TMEM164: variants seen among roughly 807,000 people sequenced by gnomAD.
TMEM164 encodes the protein RP13-360B22.2.
Under a neutral mutation model 18.8 loss-of-function variants are expected in TMEM164, and 4 were observed. The ratio of observed to expected loss-of-function variants is 0.21; its 90% CI spans 0.10 to 0.49. TMEM164 has a LOEUF of 0.49. Among genes scored for constraint, TMEM164 ranks in the 20% least tolerant of loss-of-function variants. The pLI, the probability that TMEM164 is intolerant of heterozygous loss-of-function variation, is 0.98. For missense variants in TMEM164, 108 were observed against 239.9 expected (o/e 0.45, Z 3.63); for synonymous variants, 86 against 101.7 (o/e 0.85, Z 0.93).
At chrX:110,076,316 G>T (rs371978513) in intron 3 of TMEM164, among the ~76,000 whole-genome samples, 5 of 110,815 alleles carry the variant, frequency 4.5e-5, no homozygotes, top group African/African-American at 1.6e-4. Flanking sequence ...GGGATCAGTT[G>T]TAATGTCACA....
chrX:110,049,204 C>T (rs1304972802), intron 2 of TMEM164, among the ~76,000 whole-genome samples: 3 of 111,307 alleles, frequency 2.7e-5, no homozygotes, highest in Non-Finnish European at 5.7e-5. Context: ...ATACCTGTTG[C>T]CTAATATTGT....
chrX:110,151,706 C>T lies in TMEM164; in HGVS notation c.586+6830C>T, dbSNP rs1462214759. 7.2e-5 allele frequency among the ~76,000 whole-genome samples: 8 copies of T among 111,400 alleles called. No homozygotes were observed. The Admixed American group carries it at 7.6e-4, about 11-fold the overall frequency. ...GCTGAGGCATGAGAATCGCTTGAAC[C>T]CAGGAGGTGGAGGTTGCAGTGAGCC... On this transcript the variant is annotated intron_variant, in intron 5 of 6. Transcript: ENST00000372068.
chrX:110,146,742 C>T (rs915920509), intron 5 of TMEM164, among the ~76,000 whole-genome samples: 1 of 111,777 alleles, frequency 8.9e-6, no homozygotes, highest in Non-Finnish European at 1.9e-5. Flanking sequence ...CTCTTTACTG[C>T]CATCTGCTGT....
downstream of TMEM164, chrX:110,177,905 G>A (rs1201700711): frequency 8.9e-6 from 1 of 112,413 alleles, no homozygotes; most frequent in East Asian, 2.8e-4. Flanking sequence ...GGACAGCTGG[G>A]CTTTCTCAGC....
At chrX:110,123,081 A>T (rs183009711) in intron 4 of TMEM164, among the ~76,000 whole-genome samples, 2 of 111,617 alleles carry the variant, frequency 1.8e-5, no homozygotes, top group African/African-American at 6.5e-5. Context: ...TTTTGAGTTA[A>T]TCTTTATGTG....
intron 3 of TMEM164, among the ~76,000 whole-genome samples, chrX:110,068,529 A>G (rs934754852): frequency 2.7e-5 from 3 of 112,475 alleles, no homozygotes; most frequent in African/African-American, 9.7e-5. Flanking sequence ...AGGAAGAAAC[A>G]TCATCCATCC....
intron 2 of TMEM164, among the ~76,000 whole-genome samples, chrX:110,045,871 A>G (rs1207117027): frequency 9.0e-6 from 1 of 111,695 alleles, no homozygotes; most frequent in Non-Finnish European, 1.9e-5. Context: ...GCTGTTTCCT[A>G]CAGACACCAT....
chrX:110,016,392 C>T (rs180806682), intron 2 of TMEM164, among the ~76,000 whole-genome samples: 1 of 111,552 alleles, frequency 9.0e-6, no homozygotes, highest in Admixed American at 9.5e-5. Flanking sequence ...AGCTGGTGCC[C>T]CTGATCATTT....
At chrX:110,136,701 T>C (rs181995560) in intron 4 of TMEM164, among the ~76,000 whole-genome samples, 2 of 111,002 alleles carry the variant, frequency 1.8e-5, no homozygotes, top group Admixed American at 1.9e-4. Context: ...TGTTCTTCCT[T>C]CCTCATCTCC....
At chrX:110,055,775 C>A (rs1476599981) in intron 2 of TMEM164, among the ~76,000 whole-genome samples, 1 of 110,603 alleles carries the variant, frequency 9.0e-6, no homozygotes, top group East Asian at 2.8e-4. Flanking sequence ...AGGAGAGAAT[C>A]TCAGGGGGAA....
At chrX:110,108,008 A>G (rs1265198414) in intron 3 of TMEM164, among the ~76,000 whole-genome samples, 1 of 108,709 alleles carries the variant, frequency 9.2e-6, no homozygotes, top group Admixed American at 9.9e-5. Flanking sequence ...GAGAAGAGGT[A>G]AAGTTCTAGA....
In TMEM164 at chrX:110,007,098, C is replaced by T. The variant is rs750170345; in HGVS notation, c.390+2934C>T. The stretch of plus-strand genomic sequence containing the variant: ...AGTTGGAGGGAAATTGGTTAGTCTC[C>T]GCATCTCTCATTTTTCAGTCTGCAA... On this transcript the variant is annotated intron_variant, in intron 2 of 6. Transcript: ENST00000372068. Among the ~76,000 whole-genome samples, 124 of 111,995 alleles carry T rather than the reference C, an allele frequency of 1.1e-3. 4 individuals carry two copies. The highest frequency in any genetic ancestry group is 3.0e-4 in the Non-Finnish European group (16 of 53,176).
At chrX:110,150,260 C>T (rs1240782851) in intron 5 of TMEM164, among the ~76,000 whole-genome samples, 1 of 111,534 alleles carries the variant, frequency 9.0e-6, no homozygotes, top group African/African-American at 3.3e-5. Flanking sequence ...GGGGAGGTGA[C>T]TTCTTGTAGA....
At position 110,108,068 on chromosome X, in the gene TMEM164, CTGTGTGTGTGTGTGTGTGTG is replaced by C. The variant is rs56714507; in HGVS notation, c.441-973_441-954del. ...TCCCAGCCAGGGCATAGGAGGTATG[CTGTGTGTGTGTGTGTGTGTG>C]TGTGTGTGTGTGTGTGTGTGTGTGT... is the stretch of plus-strand genomic sequence containing the variant. On this transcript the variant is annotated intron_variant, in intron 3 of 6. Transcript: ENST00000372068. 6.8e-3 allele frequency among the ~76,000 whole-genome samples: 314 copies of C among 46,385 alleles called. 1 individual carries two copies. The highest frequency in any genetic ancestry group is 0.026 in the African/African-American group (288 of 11,248). The allele number at this position is 46,385 out of a possible 115,157, so 40.3% of individuals were successfully genotyped here.
chrX:110,004,023 A>G lies in TMEM164; in HGVS notation c.249A>G (p.Pro83=). The G allele has an allele frequency of 1.7e-6, 2 of 1,211,590 alleles. No individual in the cohort carries two copies. Among genetic ancestry groups the G allele is most frequent in the Non-Finnish European group, 2.2e-6 (2 of 895,461 alleles). The change falls in exon 2 of 7, where the codon CCA becomes CCG. Residue 83 remains proline (P), a synonymous_variant. Transcript: ENST00000372068. ...GSQPEQVTQR[P]EEGKESLSKN... is the part of the protein sequence containing the mutation. ...AGCCAGAGCAGGTGACCCAGCGGCC[A>G]GAGGAAGGCAAGGAGAGCCTGAGCA...
chrX:110,043,422 C>T (rs1935180963), intron 2 of TMEM164, among the ~76,000 whole-genome samples: 4 of 112,057 alleles, frequency 3.6e-5, no homozygotes, highest in Admixed American at 2.8e-4. Context: ...GACTTGAAGT[C>T]AGACTCCAAA....
chrX:110,098,930 C>A (rs1276315990), intron 3 of TMEM164, among the ~76,000 whole-genome samples: 1 of 107,017 alleles, frequency 9.3e-6, no homozygotes, highest in Non-Finnish European at 1.9e-5. Context: ...CTACAAGGCA[C>A]CCGCCACCAC....
intron 2 of TMEM164, chrX:110,046,206 A>G: frequency 2.7e-6 from 2 of 754,619 alleles, no homozygotes; most frequent in Non-Finnish European, 3.1e-6. Context: ...TGGGCTTTGA[A>G]TCCGTGTTCC....
At chrX:110,112,145 C>T (rs2066298868) in intron 4 of TMEM164, among the ~76,000 whole-genome samples, 1 of 110,836 alleles carries the variant, frequency 9.0e-6, no homozygotes, top group African/African-American at 3.3e-5. Flanking sequence ...AGATTGAGGG[C>T]AGCATGATGA....
Sources: gnomAD v4.1 joint callset for allele counts (sites outside exome capture counted in the v4.1 genomes callset) on GRCh38, gnomAD v4.1.1 for gene constraint, MANE v1.5 for transcripts, NCBI Gene and HGNC (gene_info 2026-07-23, HGNC 2026-07-21) for gene names.